Variants in WNT10A observed in about 807,000 individuals in gnomAD.
WNT10A encodes the protein Wnt family member 10A, also known as protein Wnt-10a.
WNT10A carries 37 observed loss-of-function variants against 36.1 expected under a neutral mutation model. The observed-to-expected ratio is 1.02, with a 90% CI of 0.79 to 1.35. The LOEUF (loss-of-function observed/expected upper bound fraction) is 1.35, where lower values mean the gene tolerates loss of function less well. Ranked by LOEUF, WNT10A falls within the 40% of genes most tolerant of loss-of-function variation. The probability of loss-of-function intolerance (pLI) is 0.00; values close to 1 mark genes in which losing one functional copy is unlikely to be tolerated. For synonymous variants in WNT10A, 255 were observed against 254.1 expected, an observed-to-expected ratio of 1.00 and a Z score of -0.03; for missense variants, 613 against 601.4, an observed-to-expected ratio of 1.02 and a Z score of -0.20.
upstream of WNT10A, among the ~76,000 whole-genome samples, chr2:218,878,946 C>T (rs897646909): frequency 4.6e-5 from 7 of 152,176 alleles, no homozygotes; most frequent in African/African-American, 9.7e-5. This position sits in a 1 kb window ranked among gnomAD's most constrained non-coding sequence, Gnocchi z 4.1. Flanking sequence ...AAGCTGTCCC[C>T]GTTTCTGCAG....
upstream of WNT10A, among the ~76,000 whole-genome samples, chr2:218,878,584 T>C (rs1944473857): frequency 6.6e-6 from 1 of 151,950 alleles, no homozygotes; most frequent in Admixed American, 6.6e-5. This position sits in a 1 kb window ranked among gnomAD's most constrained non-coding sequence, Gnocchi z 4.1. Context: ...GGATGCTAGC[T>C]AGAAAGACAG....
At chr2:218,892,073 T>C (rs1462811506) in intron 3 of WNT10A, among the ~76,000 whole-genome samples, 1 of 151,974 alleles carries the variant, frequency 6.6e-6, no homozygotes, top group Non-Finnish European at 1.5e-5. Context: ...TTCCATTCTG[T>C]ATTAGGTAGA....
upstream of WNT10A, among the ~76,000 whole-genome samples, chr2:218,878,082 T>C (rs1944469404): frequency 6.6e-6 from 1 of 152,004 alleles, no homozygotes; most frequent in African/African-American, 2.4e-5. The surrounding 1 kb of genome is among the most constrained non-coding windows in gnomAD (Gnocchi z 4.1). Flanking sequence ...GTGGCCCCTG[T>C]AATTGTGGTC....
chr2:218,880,847 G>T (rs886055641), upstream of WNT10A: 241 of 906,432 alleles, frequency 2.7e-4, 1 homozygote, highest in Middle Eastern at 1.4e-3. The surrounding 1 kb of genome is among the most constrained non-coding windows in gnomAD (Gnocchi z 7.7). Context: ...GGGGAGGCGG[G>T]CGCCGTCTGC....
chr2:218,883,785 T>C (rs1349769950), intron 2 of WNT10A: 1 of 139,936 alleles, frequency 7.1e-6, no homozygotes, highest in East Asian at 2.5e-4. Flanking sequence ...CAGAAGCGGC[T>C]GCCCGGGACC....
At chr2:218,882,844 G>C (rs1023340669) in intron 2 of WNT10A, among the ~76,000 whole-genome samples, 1 of 152,218 alleles carries the variant, frequency 6.6e-6, no homozygotes, top group African/African-American at 2.4e-5. Flanking sequence ...TTGCCTAATC[G>C]TGCAGATGGA....
chr2:218,885,132 C>G (rs1308776412), intron 2 of WNT10A, among the ~76,000 whole-genome samples: 1 of 152,142 alleles, frequency 6.6e-6, no homozygotes, highest in Non-Finnish European at 1.5e-5. Flanking sequence ...TAGGGCTTTG[C>G]CCAGCCAAGG....
At chr2:218,881,173 A>C (rs1324645183) in intron 1 of WNT10A, 65 bp downstream of exon 1, 8 of 1,548,544 alleles carry the variant, frequency 5.2e-6, no homozygotes, top group African/African-American at 1.4e-5. Flanking sequence ...GGGGCCTCTG[A>C]TGCTCTTGCT....
chr2:218,881,126 G>C lies in WNT10A; in HGVS notation c.113+18G>C. 1 of 1,578,166 alleles carries C rather than the reference G, an allele frequency of 6.3e-7. No individual in the cohort carries two copies. The highest frequency in any genetic ancestry group is 8.6e-7 in the Non-Finnish European group (1 of 1,161,162). On this transcript the variant is annotated intron_variant, in intron 1 of 3. Coordinates refer to ENST00000258411, the MANE Select transcript of WNT10A (RefSeq NM_025216.3). ...ATGCCCAGGTGAGCCCTCACCTCAT[G>C]CTCCGCCCTCCTAGAGAGTTGGGAC...
chr2:218,893,066 C>T lies in WNT10A; in HGVS notation c.1049C>T (p.Pro350Leu), dbSNP rs564146190. 1.9e-6 allele frequency: 3 copies of T among 1,596,636 alleles called. No homozygotes were observed. The highest frequency in any genetic ancestry group is 2.2e-5 in the East Asian group (1 of 44,802). ...TCTCCCGACTTCTGCGAGCGCGAGC[C>T]GCGCCTGGACTCGGCGGGCACCGTG... ...EKSPDFCERE[P>L]RLDSAGTVGR... The change falls in exon 4 of 4, where the codon CCG (proline) becomes CTG (leucine). Residue 350 changes from proline (P) to leucine (L), a missense_variant. Physicochemically the swap from Pro to Leu is moderately conservative, Grantham distance 98. Coordinates refer to ENST00000258411, the MANE Select transcript of WNT10A (RefSeq NM_025216.3). The surrounding 1 kb of genome is among the most constrained non-coding windows in gnomAD (Gnocchi z 6.3).
chr2:218,887,236 C>T (rs1198171380), intron 2 of WNT10A, among the ~76,000 whole-genome samples: 1 of 152,062 alleles, frequency 6.6e-6, no homozygotes, highest in Non-Finnish European at 1.5e-5. Context: ...GTGTTTTCTC[C>T]TTTTGCATAA....
intron 1 of WNT10A, among the ~76,000 whole-genome samples, chr2:218,881,743 C>T (rs796813589): frequency 2.0e-5 from 3 of 152,170 alleles, no homozygotes; most frequent in East Asian, 1.9e-4. Context: ...TGTGCATGTG[C>T]GTAAGTGTGC....
At chr2:218,888,382 G>A (rs1434246668) in intron 2 of WNT10A, among the ~76,000 whole-genome samples, 1 of 152,280 alleles carries the variant, frequency 6.6e-6, no homozygotes, top group East Asian at 1.9e-4. Context: ...GCACCAAGAA[G>A]GAAGGCAGTG....
In WNT10A at chr2:218,892,844, G is replaced by T. The variant is rs201593552; in HGVS notation, c.827G>T (p.Cys276Phe). 2 of 1,591,206 alleles carry T rather than the reference G, an allele frequency of 1.3e-6. No homozygotes were observed. Among genetic ancestry groups the T allele is most frequent in the Non-Finnish European group, 1.7e-6 (2 of 1,170,536 alleles). Residue 276 changes from cysteine to phenylalanine, a missense_variant, in exon 4 of 4, where the codon TGC (cysteine) becomes TTC (phenylalanine). Cys to Phe is a radical substitution (Grantham distance 205). Coordinates refer to ENST00000258411, the MANE Select transcript of WNT10A (RefSeq NM_025216.3). Reference sequence around the variant, plus strand: ...TCAGGCAGCTGCCAGCTCAAGACGTGCTGGCAGGTGACGCCCGAGTTCCGC... The same window carrying T: ...TCAGGCAGCTGCCAGCTCAAGACGTTCTGGCAGGTGACGCCCGAGTTCCGC... ...GTSGSCQLKT[C>F]WQVTPEFRTV...
In WNT10A at chr2:218,882,193, TC is replaced by T. The variant is rs749297006; in HGVS notation, c.152del (p.Pro51ArgfsTer12). The T allele has an allele frequency of 1.2e-6, 2 of 1,613,696 alleles. No homozygotes were observed. The highest frequency in any genetic ancestry group is 1.7e-6 in the Non-Finnish European group (2 of 1,179,894). ...SAPNDILDLR[L>X]PPEPVLNANT... ...CCCAATGACATTCTGGACCTCCGCC[TC>T]CCCCCGGAGCCCGTGCTCAATGCCA... is the stretch of plus-strand genomic sequence containing the variant. On this transcript the variant is annotated frameshift_variant, in exon 2 of 4. Coordinates refer to ENST00000258411, the MANE Select transcript of WNT10A (RefSeq NM_025216.3). LOFTEE classifies it high-confidence loss of function.
At chr2:218,882,445 C>G in intron 2 of WNT10A, 22 bp downstream of exon 2, 2 of 1,613,514 alleles carry the variant, frequency 1.2e-6, no homozygotes, top group Non-Finnish European at 1.7e-6. Flanking sequence ...TCACCCCTGC[C>G]CCTGCCTGCC....
chr2:218,893,059 C>G lies in WNT10A; in HGVS notation c.1042C>G (p.Arg348Gly). The change falls in exon 4 of 4, where the codon CGC becomes GGC. Residue 348 changes from arginine to glycine, a missense_variant. Physicochemically the swap from Arg to Gly is moderately radical, Grantham distance 125. Coordinates refer to ENST00000258411, the MANE Select transcript of WNT10A (RefSeq NM_025216.3). This position sits in a 1 kb window ranked among gnomAD's most constrained non-coding sequence, Gnocchi z 6.3. ...CGAAAAGTCTCCCGACTTCTGCGAG[C>G]GCGAGCCGCGCCTGGACTCGGCGGG... ...YFEKSPDFCE[R>G]EPRLDSAGTV... 6.3e-7 allele frequency: 1 copy of G among 1,596,396 alleles called. No homozygotes were observed. Among genetic ancestry groups the G allele is most frequent in the South Asian group, 1.1e-5 (1 of 90,976 alleles).
At chr2:218,877,227 C>T (rs528284263), upstream of WNT10A, among the ~76,000 whole-genome samples, 25 of 152,346 alleles carry the variant, frequency 1.6e-4, no homozygotes, top group African/African-American at 6.0e-4. This position sits in a 1 kb window ranked among gnomAD's most constrained non-coding sequence, Gnocchi z 4.1. Flanking sequence ...CTGAGCACTT[C>T]CTATCACCTA....
rs747307399 is a variant in WNT10A, at chr2:218,893,148, C to T, written c.1131C>T (p.Cys377=). Residue 377 remains cysteine (C), a synonymous_variant, in exon 4 of 4, where the codon TGC becomes TGT. Transcript: ENST00000258411. This position sits in a 1 kb window ranked among gnomAD's most constrained non-coding sequence, Gnocchi z 6.3. The stretch of plus-strand genomic sequence containing the variant: ...CGGATGGCTGCGGCAGCATGTGCTG[C>T]GGCCGCGGCCACAACATCCTGCGCC... The part of the protein sequence containing the change: ...AGSDGCGSMC[C]GRGHNILRQT... The T allele has an allele frequency of 4.6e-5, 73 of 1,589,964 alleles. No homozygotes were observed. The highest frequency in any genetic ancestry group is 8.4e-5 in the Admixed American group (5 of 59,250).
Sources: gnomAD v4.1 joint callset for allele counts (sites outside exome capture counted in the v4.1 genomes callset) on GRCh38, gnomAD v4.1.1 for gene constraint, Gnocchi (gnomAD v3.1) non-coding constraint, MANE v1.5 for transcripts, NCBI Gene and HGNC (gene_info 2026-07-23, HGNC 2026-07-21) for gene names.